The following ARHGEF9 variants were observed in gnomAD, a reference collection of about 807,000 sequenced individuals.
ARHGEF9 encodes Cdc42 guanine nucleotide exchange factor 9, also known as rho guanine nucleotide exchange factor 9.
ARHGEF9 carries 2 observed loss-of-function variants against 41.3 expected under a neutral mutation model. The ratio of observed to expected loss-of-function variants is 0.05; its 90% CI spans 0.02 to 0.15. The LOEUF (loss-of-function observed/expected upper bound fraction) is 0.15, where lower values mean the gene tolerates loss of function less well. Among genes scored for constraint, ARHGEF9 ranks in the 10% least tolerant of loss-of-function variants. The probability of loss-of-function intolerance (pLI) is 1.00; values close to 1 mark genes in which losing one functional copy is unlikely to be tolerated. For missense variants in ARHGEF9, 225 were observed against 424.7 expected, an observed-to-expected ratio of 0.53 and a Z score of 4.13; for synonymous variants, 160 against 154.4, an observed-to-expected ratio of 1.04 and a Z score of -0.27.
chrX:63,665,322 G>A (rs1239831124), intron 7 of ARHGEF9, among the ~76,000 whole-genome samples: 1 of 112,536 alleles, frequency 8.9e-6, no homozygotes, highest in Non-Finnish European at 1.9e-5. Context: ...TACAAAGAAG[G>A]AAGAGTGGAG....
intron 6 of ARHGEF9, among the ~76,000 whole-genome samples, chrX:63,673,141 T>G (rs1237488574): frequency 8.9e-6 from 1 of 111,833 alleles, no homozygotes; most frequent in Non-Finnish European, 1.9e-5. Context: ...GTTAAGCAGC[T>G]GTTTGTGAGG....
At chrX:63,652,662 C>T (rs1174517569) in intron 8 of ARHGEF9, among the ~76,000 whole-genome samples, 3 of 111,027 alleles carry the variant, frequency 2.7e-5, no homozygotes, top group Admixed American at 9.6e-5. Context: ...TGTGCCCATT[C>T]GACTAGACTG....
intron 1 of ARHGEF9, among the ~76,000 whole-genome samples, chrX:63,750,599 T>C (rs1431977159): frequency 1.8e-5 from 2 of 111,591 alleles, no homozygotes; most frequent in Admixed American, 9.5e-5. Context: ...ATGGAGGCTG[T>C]CTCAATGGAA....
intron 5 of ARHGEF9, among the ~76,000 whole-genome samples, chrX:63,674,941 G>A (rs1301165981): frequency 9.0e-6 from 1 of 111,725 alleles, no homozygotes; most frequent in Non-Finnish European, 1.9e-5. Flanking sequence ...CGGTGCTCCT[G>A]CTCTATCAGG....
chrX:63,717,322 T>C (rs2053368407), intron 2 of ARHGEF9, among the ~76,000 whole-genome samples: 1 of 112,131 alleles, frequency 8.9e-6, no homozygotes, highest in South Asian at 3.7e-4. Flanking sequence ...CAATTACATG[T>C]TCAGCAGGGT....
At chrX:63,647,097 C>T (rs1408416536) in intron 8 of ARHGEF9, among the ~76,000 whole-genome samples, 1 of 111,912 alleles carries the variant, frequency 8.9e-6, no homozygotes, top group Non-Finnish European at 1.9e-5. Context: ...TGAGACTTTG[C>T]TGAAGTTGCT....
chrX:63,666,484 A>ACACACACG, intron 6 of ARHGEF9, among the ~76,000 whole-genome samples: 1 of 106,084 alleles, frequency 9.4e-6, no homozygotes, highest in African/African-American at 3.4e-5. Flanking sequence ...ACACACACAC[A>ACACACACG]CACATATATA....
chrX:63,737,121 G>A (rs1443943697), intron 1 of ARHGEF9: 1 of 111,682 alleles, frequency 9.0e-6, no homozygotes, highest in African/African-American at 3.3e-5. Context: ...GTCTGACCCT[G>A]AAGATTAAAA....
At chrX:63,767,888 G>A (rs1373997410) in intron 1 of ARHGEF9, among the ~76,000 whole-genome samples, 1 of 112,131 alleles carries the variant, frequency 8.9e-6, no homozygotes, top group African/African-American at 3.2e-5. Context: ...TAGTTGCATG[G>A]AGAAGATATT....
intron 1 of ARHGEF9, among the ~76,000 whole-genome samples, chrX:63,771,215 G>A (rs1387087634): frequency 9.0e-6 from 1 of 111,726 alleles, no homozygotes; most frequent in Non-Finnish European, 1.9e-5. Flanking sequence ...TGAATGTGAA[G>A]GATTATTATT....
chrX:63,646,759 A>C (rs1327301508), intron 8 of ARHGEF9, among the ~76,000 whole-genome samples: 29 of 111,867 alleles, frequency 2.6e-4, no homozygotes, highest in East Asian at 1.1e-3. Flanking sequence ...TTTTCCAATT[A>C]TGTGAAGAAA....
chrX:63,685,191 A>G (rs1475479413), intron 4 of ARHGEF9, among the ~76,000 whole-genome samples: 1 of 111,824 alleles, frequency 8.9e-6, no homozygotes, highest in African/African-American at 3.2e-5. Context: ...TCATCACTTC[A>G]TCATTTATAT....
intron 7 of ARHGEF9, chrX:63,657,312 G>T (rs2048934772): frequency 9.0e-6 from 1 of 111,370 alleles, no homozygotes; most frequent in Non-Finnish European, 1.9e-5. Flanking sequence ...ATCTTCTTTT[G>T]CCCACTCACA....
In ARHGEF9 at chrX:63,755,862, A is replaced by T. The variant is rs145175715; in HGVS notation, c.30+29254T>A. 1,391 of 752,534 alleles carry T rather than the reference A, an allele frequency of 1.8e-3. 15 individuals are homozygous for T. In the African/African-American group the frequency reaches 0.029, roughly 16 times the overall value. 62.0% of individuals were successfully genotyped at this position (752,534 alleles called of 1,213,427 possible). ...GTCAGATTTCCTTTCTTGATTATAG[A>T]TTCTTCAGACTAGGACAGTTAGCTT... On this transcript the variant is annotated intron_variant, in intron 1 of 9. Transcript: ENST00000671741.
intron 1 of ARHGEF9, among the ~76,000 whole-genome samples, chrX:63,775,906 T>C (rs1556458120): frequency 9.0e-6 from 1 of 111,502 alleles, no homozygotes; most frequent in Non-Finnish European, 1.9e-5. Context: ...CACAATACCC[T>C]GAACCCCTCA....
intron 4 of ARHGEF9, among the ~76,000 whole-genome samples, chrX:63,691,398 A>T (rs1409715552): frequency 7.3e-5 from 8 of 109,102 alleles, no homozygotes; most frequent in African/African-American, 2.0e-4. Context: ...AACAGGATTT[A>T]AAAAAAAATA....
rs374087224 is a variant in ARHGEF9 at position 63,654,830 on chromosome X, A to G, written c.1321+664T>C. Among the ~76,000 whole-genome samples the G allele has an allele frequency of 5.4e-5, 6 of 111,992 alleles. No homozygotes were observed. In the East Asian group the frequency reaches 1.1e-3, roughly 21 times the overall value. On this transcript the variant is annotated intron_variant, in intron 8 of 9. Coordinates refer to ENST00000671741, the MANE Select transcript of ARHGEF9 (RefSeq NM_001353921.2). ...GGCAGGACCATGAGCAAGAGACCAG[A>G]CAGTACTTTATAAGTCACAAAGCTA...
intron 1 of ARHGEF9, among the ~76,000 whole-genome samples, chrX:63,772,760 T>C (rs2056225610): frequency 9.0e-6 from 1 of 111,074 alleles, no homozygotes; most frequent in Non-Finnish European, 1.9e-5. Context: ...GTCCCTGCCT[T>C]ACTCTCTACC....
intron 1 of ARHGEF9, among the ~76,000 whole-genome samples, chrX:63,733,642 C>A (rs782496350): frequency 8.9e-6 from 1 of 112,230 alleles, no homozygotes; most frequent in Non-Finnish European, 1.9e-5. Context: ...ACAAAATCAT[C>A]TTTTTCCTAA....
Sources: gnomAD v4.1 joint callset for allele counts (sites outside exome capture counted in the v4.1 genomes callset) on GRCh38, gnomAD v4.1.1 for gene constraint, MANE v1.5 for transcripts, NCBI Gene and HGNC (gene_info 2026-07-23, HGNC 2026-07-21) for gene names.